Variants in FGF23 observed in about 807,000 individuals in gnomAD.
The protein encoded by FGF23 is fibroblast growth factor 23.
In FGF23, 8 loss-of-function variants were observed where a neutral mutation model predicts 9.0. That is an observed-to-expected ratio of 0.89 (90% CI 0.52 to 1.60). The LOEUF is 1.60. FGF23 is among the 40% of genes most tolerant of loss of function. FGF23 has a pLI of 0.00. For synonymous variants in FGF23, 118 were observed against 146.2 expected, an observed-to-expected ratio of 0.81 and a Z score of 1.39; for missense variants, 311 against 344.3, an observed-to-expected ratio of 0.90 and a Z score of 0.77.
At position 4,370,715 on chromosome 12, in the gene FGF23, G is replaced by A; in HGVS notation, c.384C>T (p.His128=). The A allele has an allele frequency of 6.2e-7, 1 of 1,614,162 alleles. No individual in the cohort carries two copies. The highest frequency in any genetic ancestry group is 8.5e-7 in the Non-Finnish European group (1 of 1,180,010). ...TGACCAGGAAGTGATACTGAGGAGA[G>A]TGGTAGACGTCGTACCCGTTTTCCA... The part of the protein sequence containing the change: ...QTLENGYDVY[H]SPQYHFLVSL... The change falls in exon 3 of 3, where the codon CAC becomes CAT. Residue 128 remains histidine (H), a synonymous_variant. Coordinates refer to ENST00000237837, the MANE Select transcript of FGF23 (RefSeq NM_020638.3).
intron 1 of FGF23, among the ~76,000 whole-genome samples, chr12:4,377,605 T>A (rs1252671655): frequency 1.6e-4 from 22 of 139,230 alleles, no homozygotes; most frequent in South Asian, 7.8e-4. Flanking sequence ...TAATTTTTTG[T>A]ATTTTTAGTA....
chr12:4,379,350 C>G (rs765075892), intron 1 of FGF23, 22 bp downstream of exon 1: 3 of 1,603,922 alleles, frequency 1.9e-6, no homozygotes, highest in Non-Finnish European at 2.6e-6. Context: ...TCCCCTTCTT[C>G]CCAGCCTGAA....
In FGF23 at chr12:4,369,550, A is replaced by C; in HGVS notation, c.*793T>G. The C allele has an allele frequency of 4.4e-6, 1 of 229,796 alleles. No homozygotes were observed. The highest frequency in any genetic ancestry group is 8.6e-6 in the Non-Finnish European group (1 of 115,816). 14.2% of individuals were successfully genotyped at this position (229,796 alleles called of 1,614,324 possible). A position where few individuals can be genotyped will look rare whatever the true frequency, so the allele number is the denominator to read the frequency against. On this transcript the variant is annotated 3_prime_UTR_variant, in exon 3 of 3. Coordinates refer to ENST00000237837, the MANE Select transcript of FGF23 (RefSeq NM_020638.3). ...TTTTCAAAAACCAGAGATGGGGCCAAAAGGTGAGGCTGTATCATGAACTGC... is the reference window on the plus strand; with the variant it reads ...TTTTCAAAAACCAGAGATGGGGCCACAAGGTGAGGCTGTATCATGAACTGC...
chr12:4,372,874 C>T (rs1011791946), intron 1 of FGF23, among the ~76,000 whole-genome samples, 177 bp from the exon 2 acceptor site: 2 of 152,216 alleles, frequency 1.3e-5, no homozygotes, highest in Non-Finnish European at 1.5e-5. Context: ...CTGACATCCT[C>T]TCTTGCCCCC....
chr12:4,372,107 G>A (rs894521827), intron 2 of FGF23, among the ~76,000 whole-genome samples: 36 of 145,788 alleles, frequency 2.5e-4, no homozygotes, highest in African/African-American at 2.3e-4. Flanking sequence ...ATTCTCACTC[G>A]TAGGTGGGAA....
At chr12:4,377,945 T>C (rs1381483238) in intron 1 of FGF23, among the ~76,000 whole-genome samples, 2 of 152,112 alleles carry the variant, frequency 1.3e-5, no homozygotes, top group African/African-American at 4.8e-5. Flanking sequence ...TGAACAACAC[T>C]TCGGGTGCAT....
intron 1 of FGF23, among the ~76,000 whole-genome samples, chr12:4,377,623 G>A (rs1256799002): frequency 1.4e-5 from 2 of 144,760 alleles, no homozygotes; most frequent in Non-Finnish European, 3.1e-5. Context: ...GTAGAGATGG[G>A]GTTTCACTGT....
intron 2 of FGF23, among the ~76,000 whole-genome samples, chr12:4,372,069 C>T (rs1041932623): frequency 2.0e-5 from 3 of 150,262 alleles, no homozygotes; most frequent in African/African-American, 4.9e-5. Flanking sequence ...AGTAAACTAT[C>T]GCAAGAACAA....
rs1228925532 is a variant in FGF23 at position 4,370,662 on chromosome 12, A to G, written c.437T>C (p.Leu146Pro). 4 of 1,614,154 alleles carry G rather than the reference A, an allele frequency of 2.5e-6. No homozygotes were observed. Among genetic ancestry groups the G allele is most frequent in the Non-Finnish European group, 3.4e-6 (4 of 1,180,008 alleles). ...GTACGGGGGTGGGTTCATGCCTGGC[A>G]GGAAGGCTCTCTTCGCCCGGCCCAG... ...VSLGRAKRAF[L>P]PGMNPPPYSQ... is the part of the protein sequence containing the mutation. The change falls in exon 3 of 3, where the codon CTG becomes CCG. Residue 146 changes from leucine to proline, a missense_variant. By Grantham distance (98) the Leu-to-Pro change is moderately conservative (BLOSUM62 -3). Coordinates refer to ENST00000237837, the MANE Select transcript of FGF23 (RefSeq NM_020638.3).
intron 1 of FGF23, among the ~76,000 whole-genome samples, chr12:4,373,627 T>C (rs1259460494): frequency 3.9e-5 from 6 of 152,202 alleles, no homozygotes. Context: ...CTGAAACCCA[T>C]TCACACGACC....
chr12:4,370,651 T>C lies in FGF23; in HGVS notation c.448A>G (p.Asn150Asp). The C allele has an allele frequency of 6.2e-7, 1 of 1,614,098 alleles. No individual in the cohort carries two copies. The highest frequency in any genetic ancestry group is 8.5e-7 in the Non-Finnish European group (1 of 1,179,980). The change falls in exon 3 of 3, where the codon AAC becomes GAC. Residue 150 changes from asparagine to aspartate, a missense_variant. Asn to Asp is a conservative substitution (Grantham distance 23). Transcript: ENST00000237837. The part of the protein sequence containing the change: ...RAKRAFLPGM[N>D]PPPYSQFLSR... ...AGGAACTGGGAGTACGGGGGTGGGTTCATGCCTGGCAGGAAGGCTCTCTTC... is the reference window on the plus strand; with the variant it reads ...AGGAACTGGGAGTACGGGGGTGGGTCCATGCCTGGCAGGAAGGCTCTCTTC...
rs2120730528 is a variant in FGF23, at chr12:4,370,748, G to A, written c.351C>T (p.His117=). 2 of 1,614,128 alleles carry A rather than the reference G, an allele frequency of 1.2e-6. No individual in the cohort carries two copies. Among genetic ancestry groups the A allele is most frequent in the Non-Finnish European group, 1.7e-6 (2 of 1,180,014 alleles). ...YFDPENCRFQ[H]QTLENGYDVY... ...CGTCGTACCCGTTTTCCAGCGTCTG[G>A]TGTTGGAACCTGCAGTTCTCCGGGT... is the stretch of plus-strand genomic sequence containing the variant. The change falls in exon 3 of 3, where the codon CAC becomes CAT. Residue 117 remains histidine (H), a synonymous_variant. Transcript: ENST00000237837.
chr12:4,370,449 C>G lies in FGF23; in HGVS notation c.650G>C (p.Ser217Thr). ...CCCTAATGGGTCACTGGCCATCGGG[C>G]TGTTGTCCTCGGCGCTCGGGAGCTC... ...SQELPSAEDNSPMASDPLGVV... is the reference protein window; with the variant it reads ...SQELPSAEDNTPMASDPLGVV... The change falls in exon 3 of 3, where the codon AGC (serine) becomes ACC (threonine). Residue 217 changes from serine to threonine, a missense_variant. Ser to Thr is a moderately conservative substitution (Grantham distance 58). This residue lies in a region of FGF23 where 206 missense variants were observed against 219.2 expected (regional missense o/e 0.94). Transcript: ENST00000237837. The G allele has an allele frequency of 1.2e-6, 2 of 1,613,446 alleles. No homozygotes were observed. The highest frequency in any genetic ancestry group is 1.7e-6 in the Non-Finnish European group (2 of 1,179,708).
At chr12:4,371,150 G>A (rs1020294751) in intron 2 of FGF23, among the ~76,000 whole-genome samples, 1 of 152,190 alleles carries the variant, frequency 6.6e-6, no homozygotes, top group African/African-American at 2.4e-5. Flanking sequence ...CTGGAGAAAG[G>A]AGAGGGGATG....
chr12:4,375,636 C>A (rs545249622), intron 1 of FGF23, among the ~76,000 whole-genome samples: 2 of 152,150 alleles, frequency 1.3e-5, no homozygotes, highest in African/African-American at 4.8e-5. Flanking sequence ...TGTCTCCGTG[C>A]GTGTGACCTT....
intron 1 of FGF23, among the ~76,000 whole-genome samples, chr12:4,378,107 A>G (rs2120744512): frequency 6.6e-6 from 1 of 152,258 alleles, no homozygotes; most frequent in African/African-American, 2.4e-5. Flanking sequence ...TCTCCTGTCA[A>G]TATGCATTTA....
rs1440588292 is a variant in FGF23, at chr12:4,379,710, G to T, written c.-128C>A. The T allele has an allele frequency of 3.8e-6, 3 of 790,292 alleles. No homozygotes were observed. The highest frequency in any genetic ancestry group is 6.4e-6 in the Non-Finnish European group (3 of 470,914). The allele number at this position is 790,292 out of a possible 1,614,324, so 49.0% of individuals were successfully genotyped here. ...TAGCTGGTGTGAGGATCCTAGACTG[G>T]ATTCCCTCCTTTTTGCCGTCAGACT... is the stretch of plus-strand genomic sequence containing the variant. On this transcript the variant is annotated 5_prime_UTR_variant, in exon 1 of 3. Coordinates refer to ENST00000237837, the MANE Select transcript of FGF23 (RefSeq NM_020638.3).
intron 1 of FGF23, among the ~76,000 whole-genome samples, chr12:4,377,532 G>C (rs1054661675): frequency 2.4e-5 from 3 of 126,972 alleles, no homozygotes; most frequent in Non-Finnish European, 4.8e-5. Context: ...CCGGGTTCAC[G>C]CCATTCTCCT....
At position 4,370,467 on chromosome 12, in the gene FGF23, G is replaced by C. The variant is rs746049992; in HGVS notation, c.632C>G (p.Pro211Arg). 1.2e-6 allele frequency: 2 copies of C among 1,612,426 alleles called. No homozygotes were observed. The highest frequency in any genetic ancestry group is 1.1e-5 in the South Asian group (1 of 91,030). ...PAPASCSQEL[P>R]SAEDNSPMAS... is the part of the protein sequence containing the mutation. Reference sequence around the variant, plus strand: ...CATCGGGCTGTTGTCCTCGGCGCTCGGGAGCTCCTGTGAACAGGAGGCCGG... The same window carrying C: ...CATCGGGCTGTTGTCCTCGGCGCTCCGGAGCTCCTGTGAACAGGAGGCCGG... The change falls in exon 3 of 3, where the codon CCG becomes CGG. Residue 211 changes from proline to arginine, a missense_variant. Around this residue, in one of 3 missense-constraint regions of FGF23, gnomAD observed 206 missense variants for 219.2 expected, o/e 0.94. Coordinates refer to ENST00000237837, the MANE Select transcript of FGF23 (RefSeq NM_020638.3).
Sources: gnomAD v4.1 joint callset for allele counts (sites outside exome capture counted in the v4.1 genomes callset) on GRCh38, gnomAD v4.1.1 for gene constraint, gnomAD v4.1.1 regional missense constraint, MANE v1.5 for transcripts, NCBI Gene and HGNC (gene_info 2026-07-23, HGNC 2026-07-21) for gene names.